The following SLC9A3 variants were observed in gnomAD, a reference collection of about 807,000 sequenced individuals.
SLC9A3 encodes the protein solute carrier family 9 member A3, also known as sodium/hydrogen exchanger 3.
Under a neutral mutation model 86.8 loss-of-function variants are expected in SLC9A3, and 37 were observed. The observed-to-expected ratio is 0.43, with a 90% confidence interval of 0.33 to 0.56. The LOEUF is 0.56. Among genes scored for constraint, SLC9A3 ranks in the 20% least tolerant of loss-of-function variants. The probability of loss-of-function intolerance (pLI) is 0.06; values close to 1 mark genes in which losing one functional copy is unlikely to be tolerated. For missense variants in SLC9A3, 1,011 were observed against 1,171.9 expected, an observed-to-expected ratio of 0.86 and a Z score of 2.00; for synonymous variants, 581 against 528.3, an observed-to-expected ratio of 1.10 and a Z score of -1.37.
At chr5:494,791 G>C (rs4956939) in intron 1 of SLC9A3, among the ~76,000 whole-genome samples, 87,745 of 152,038 alleles carry the variant, frequency 0.58, 27,122 homozygotes, top group Non-Finnish European at 0.69. Context: ...TAGCAAAGCC[G>C]GGCACAGCCG....
rs1332857160 is a variant in SLC9A3, at chr5:491,642, G to A, written c.514+127C>T. On this transcript the variant is annotated intron_variant, in intron 2 of 16. Transcript: ENST00000264938. This position sits in a 1 kb window ranked among gnomAD's most constrained non-coding sequence, Gnocchi z 9.2. ...GAGGGCCTACGGGGCTGCCAGCCACGTTTCTCACCTGACACTTACCGCCTG... is the reference window on the plus strand; with the variant it reads ...GAGGGCCTACGGGGCTGCCAGCCACATTTCTCACCTGACACTTACCGCCTG... The A allele has an allele frequency of 2.5e-5, 21 of 854,190 alleles. No individual in the cohort carries two copies. The highest frequency in any genetic ancestry group is 4.1e-5 in the South Asian group (2 of 48,682). 52.9% of individuals were successfully genotyped at this position (854,190 alleles called of 1,614,324 possible).
At position 472,794 on chromosome 5, in the gene SLC9A3, C is replaced by G. The variant is rs1246742993; in HGVS notation, c.*585G>C. The G allele has an allele frequency of 1.7e-6, 1 of 580,548 alleles. No individual in the cohort carries two copies. Among genetic ancestry groups the G allele is most frequent in the South Asian group, 1.5e-5 (1 of 65,556 alleles). 36.0% of individuals were successfully genotyped at this position (580,548 alleles called of 1,614,324 possible). On this transcript the variant is annotated 3_prime_UTR_variant, in exon 17 of 17. Coordinates refer to ENST00000264938, the MANE Select transcript of SLC9A3 (RefSeq NM_004174.4). Reference sequence around the variant, plus strand: ...CCTGAGTCCTGGCGCTCGGGAGGTCCCTGAGTCGGTCCCCGAGTCAGTCCC... The same window carrying G: ...CCTGAGTCCTGGCGCTCGGGAGGTCGCTGAGTCGGTCCCCGAGTCAGTCCC...
intron 14 of SLC9A3, 151 bp from the exon 15 acceptor site, chr5:475,822 C>T (rs1738690778): frequency 1.4e-6 from 1 of 693,726 alleles, no homozygotes; most frequent in Non-Finnish European, 2.5e-6. Context: ...AGGAGGGACC[C>T]CACTTAGAGG....
chr5:492,413 G>A (rs1405718710), intron 1 of SLC9A3, among the ~76,000 whole-genome samples: 18 of 99,536 alleles, frequency 1.8e-4, no homozygotes, highest in Non-Finnish European at 2.3e-4. Context: ...GGTCGGGGTG[G>A]GACCTGCGGG....
chr5:514,768 C>T (rs1733673821), intron 1 of SLC9A3, among the ~76,000 whole-genome samples: 1 of 152,256 alleles, frequency 6.6e-6, no homozygotes, highest in African/African-American at 2.4e-5. Flanking sequence ...TAAAGAAACC[C>T]TTTCCCAACA....
In SLC9A3 at chr5:492,059, G is replaced by A; in HGVS notation, c.224C>T (p.Ser75Phe). 2.0e-6 allele frequency: 3 copies of A among 1,522,950 alleles called. No individual in the cohort carries two copies. Among genetic ancestry groups the A allele is most frequent in the Non-Finnish European group, 2.7e-6 (3 of 1,131,060 alleles). 94.3% of individuals were successfully genotyped at this position (1,522,950 alleles called of 1,614,324 possible). A position where few individuals can be genotyped will look rare whatever the true frequency, so the allele number is the denominator to read the frequency against. The change falls in exon 2 of 17, where the codon TCC becomes TTC. Residue 75 changes from serine to phenylalanine, a missense_variant. This residue lies in a region of SLC9A3 where 565 missense variants were observed against 790.0 expected (regional missense o/e 0.72). Transcript: ENST00000264938. ...GGGAACCACGCTGGTGACCTTGTGG[G>A]ACAGGTGGAACCCTGTGGGGGAAGG... is the stretch of plus-strand genomic sequence containing the variant. ...ASLAKIGFHL[S>F]HKVTSVVPES...
At chr5:485,015 G>A in intron 4 of SLC9A3, 138 bp downstream of exon 4, 1 of 711,486 alleles carries the variant, frequency 1.4e-6, no homozygotes, top group Non-Finnish European at 2.5e-6. Flanking sequence ...CTCTGGACGG[G>A]GACGTGACGT....
chr5:485,536 A>C (rs1342611621), intron 3 of SLC9A3, among the ~76,000 whole-genome samples: 5 of 152,250 alleles, frequency 3.3e-5, no homozygotes, highest in Non-Finnish European at 5.9e-5. Context: ...TCTGAGTCTC[A>C]TCTACGGAGA....
In SLC9A3 at chr5:483,490, G is replaced by A. The variant is rs2126619625; in HGVS notation, c.933-8C>T. ...ATGCCACAGAAGGTGATGCTGCAGG[G>A]ACAGACGCGCCTCAGGACACGGCCA... On this transcript the variant is annotated splice_polypyrimidine_tract_variant and splice_region_variant and intron_variant, in intron 5 of 16. Coordinates refer to ENST00000264938, the MANE Select transcript of SLC9A3 (RefSeq NM_004174.4). 4.5e-6 allele frequency: 7 copies of A among 1,559,364 alleles called. No homozygotes were observed. Among genetic ancestry groups the A allele is most frequent in the East Asian group, 2.4e-5 (1 of 41,916 alleles).
chr5:489,050 C>T (rs1181195901), intron 2 of SLC9A3, among the ~76,000 whole-genome samples: 1 of 152,192 alleles, frequency 6.6e-6, no homozygotes, highest in East Asian at 1.9e-4. Context: ...GCTCTGGTGC[C>T]CCTCGCTGGG....
At chr5:476,506 C>G in intron 12 of SLC9A3, 37 bp downstream of exon 12, 1 of 1,607,050 alleles carries the variant, frequency 6.2e-7, no homozygotes, top group Non-Finnish European at 8.5e-7. Flanking sequence ...CACGGGGTCC[C>G]TGCGGGGTCC....
chr5:504,730 G>A (rs1740467699), intron 1 of SLC9A3, among the ~76,000 whole-genome samples: 1 of 152,226 alleles, frequency 6.6e-6, no homozygotes, highest in South Asian at 2.1e-4. Context: ...GTCTCTAAAC[G>A]TGGGGGCTGA....
At chr5:479,780 A>G in intron 10 of SLC9A3, 56 bp downstream of exon 10, 1 of 1,597,054 alleles carries the variant, frequency 6.3e-7, no homozygotes, top group Non-Finnish European at 8.5e-7. Context: ...TGGCACCCAC[A>G]GCCAGTGCCA....
chr5:509,151 CAT>C (rs1740762526), intron 1 of SLC9A3, among the ~76,000 whole-genome samples: 3 of 149,316 alleles, frequency 2.0e-5, no homozygotes, highest in African/African-American at 7.4e-5. Context: ...AAAAAAGACA[CAT>C]AAAGAAAATG....
intron 4 of SLC9A3, 100 bp from the exon 5 acceptor site, chr5:484,797 CG>C (rs1490869939): frequency 5.3e-6 from 6 of 1,138,274 alleles, no homozygotes; most frequent in Non-Finnish European, 7.6e-6. Flanking sequence ...GCCCGGGAAA[CG>C]GGGGTGGATC....
intron 1 of SLC9A3, among the ~76,000 whole-genome samples, chr5:520,651 A>C (rs1303451992): frequency 2.0e-5 from 3 of 152,094 alleles, no homozygotes; most frequent in Non-Finnish European, 2.9e-5. Flanking sequence ...TGGGGACCAA[A>C]GTCCTCCAAG....
In SLC9A3 at chr5:471,154, A is replaced by C. The variant is rs1738336912; in HGVS notation, c.*2225T>G. On this transcript the variant is annotated 3_prime_UTR_variant, in exon 17 of 17. Coordinates refer to ENST00000264938, the MANE Select transcript of SLC9A3 (RefSeq NM_004174.4). ...TGCCTGCCCACCCCCGGTGCTGAAG[A>C]CCGACCAGTCAAGGAGGTGTTGGTG... The C allele has an allele frequency of 6.4e-6, 1 of 155,512 alleles. No homozygotes were observed. Among genetic ancestry groups the C allele is most frequent in the African/African-American group, 2.4e-5 (1 of 41,474 alleles). 9.6% of individuals were successfully genotyped at this position (155,512 alleles called of 1,614,324 possible).
chr5:476,668 C>G lies in SLC9A3; in HGVS notation c.1765G>C (p.Glu589Gln). Residue 589 changes from glutamate (E) to glutamine (Q), a missense_variant, in exon 12 of 17, where the codon GAA (glutamate) becomes CAA (glutamine). Physicochemically the swap from Glu to Gln is conservative, Grantham distance 29 (BLOSUM62 2). This residue lies in a region of SLC9A3 where 397 missense variants were observed against 346.3 expected (regional missense o/e 1.15). Coordinates refer to ENST00000264938, the MANE Select transcript of SLC9A3 (RefSeq NM_004174.4). The stretch of plus-strand genomic sequence containing the variant: ...TCCAGGCAGACAGCGCTGACATTTT[C>G]TCTCCTGCGTGGGGACCAGCGCTGA... The part of the protein sequence containing the change: ...VEASVSYLLR[E>Q]NVSAVCLDMQ... The G allele has an allele frequency of 6.2e-7, 1 of 1,604,028 alleles. No homozygotes were observed. The highest frequency in any genetic ancestry group is 8.5e-7 in the Non-Finnish European group (1 of 1,179,816).
At chr5:507,617 C>G in intron 1 of SLC9A3, among the ~76,000 whole-genome samples, 1 of 151,216 alleles carries the variant, frequency 6.6e-6, no homozygotes, top group African/African-American at 2.4e-5. Context: ...ACACCCCAAT[C>G]CCTGCCCCAC....
Sources: gnomAD v4.1 joint callset for allele counts (sites outside exome capture counted in the v4.1 genomes callset) on GRCh38, gnomAD v4.1.1 for gene constraint, gnomAD v4.1.1 regional missense constraint, Gnocchi (gnomAD v3.1) non-coding constraint, MANE v1.5 for transcripts, NCBI Gene and HGNC (gene_info 2026-07-23, HGNC 2026-07-21) for gene names.